ARRB2: variants seen among roughly 807,000 people sequenced by gnomAD.
The protein encoded by ARRB2 is beta-arrestin-2.
Under a neutral mutation model 53.4 loss-of-function variants are expected in ARRB2, and 21 were observed. That is an observed-to-expected ratio of 0.39 (90% CI 0.28 to 0.57). ARRB2 has a LOEUF of 0.57. ARRB2 is among the 20% of genes least tolerant of loss of function. The pLI is 0.55. For missense variants in ARRB2, 369 were observed against 527.5 expected (o/e 0.70, Z 2.94); for synonymous variants, 180 against 212.9 (o/e 0.85, Z 1.34).
rs1167786306 is a variant in ARRB2 at position 4,716,480 on chromosome 17, C to T, written c.229C>T (p.Arg77Cys). The change falls in exon 5 of 15, where the codon CGC becomes TGC. Residue 77 changes from arginine to cysteine, a missense_variant. By Grantham distance (180) the Arg-to-Cys change is radical. Coordinates refer to ENST00000269260, the MANE Select transcript of ARRB2 (RefSeq NM_004313.4). Reference protein sequence around the residue: ...EDLDVLGLSFRKDLFIATYQA... With the variant: ...EDLDVLGLSFCKDLFIATYQA... Reference sequence around the variant, plus strand: ...CCTGGATGTGCTGGGCTTGTCCTTCCGCAAAGACCTGTTCATCGCCACCTA... The same window carrying T: ...CCTGGATGTGCTGGGCTTGTCCTTCTGCAAAGACCTGTTCATCGCCACCTA... 3.1e-6 allele frequency: 5 copies of T among 1,614,168 alleles called. No homozygotes were observed. The highest frequency in any genetic ancestry group is 2.2e-5 in the East Asian group (1 of 44,876).
intron 1 of ARRB2, among the ~76,000 whole-genome samples, chr17:4,711,105 G>C (rs944761218): frequency 6.6e-6 from 1 of 151,990 alleles, no homozygotes; most frequent in Admixed American, 6.5e-5. Flanking sequence ...TGCCGGGACG[G>C]GGGGGATCCA....
rs181924470 is a variant in ARRB2, at chr17:4,717,293, T to A, written c.417+17T>A. The A allele has an allele frequency of 3.7e-3, 5,897 of 1,613,712 alleles. 16 individuals are homozygous for A. The highest frequency in any genetic ancestry group is 4.6e-3 in the Non-Finnish European group (5,462 of 1,179,714). On this transcript the variant is annotated intron_variant, in intron 6 of 14. Coordinates refer to ENST00000269260, the MANE Select transcript of ARRB2 (RefSeq NM_004313.4). This position sits in a 1 kb window ranked among gnomAD's most constrained non-coding sequence, Gnocchi z 6.0. The stretch of plus-strand genomic sequence containing the variant: ...ACAGGAAAGGTACGGGAGGAACAGC[T>A]CTGAGGGCTCCTAGGGCAGGACATG...
Position 4,716,487 on chromosome 17 carries a change from A to G in ARRB2, c.236A>G (p.Asp79Gly), listed in dbSNP as rs747488853. The G allele has an allele frequency of 2.5e-6, 4 of 1,613,858 alleles. No individual in the cohort carries two copies. The highest frequency in any genetic ancestry group is 1.7e-5 in the Admixed American group (1 of 59,992). Residue 79 changes from aspartate (D) to glycine (G), a missense_variant, in exon 5 of 15, where the codon GAC becomes GGC. Transcript: ENST00000269260. ...GTGCTGGGCTTGTCCTTCCGCAAAGACCTGTTCATCGCCACCTACCAGGCC... is the reference window on the plus strand; with the variant it reads ...GTGCTGGGCTTGTCCTTCCGCAAAGGCCTGTTCATCGCCACCTACCAGGCC... ...LDVLGLSFRK[D>G]LFIATYQAFP...
At position 4,719,266 on chromosome 17, in the gene ARRB2, CTT is replaced by C; in HGVS notation, c.780-16_780-15del. The C allele has an allele frequency of 6.2e-7, 1 of 1,605,778 alleles. No homozygotes were observed. The highest frequency in any genetic ancestry group is 1.1e-5 in the South Asian group (1 of 90,220). On this transcript the variant is annotated splice_polypyrimidine_tract_variant and intron_variant, in intron 10 of 14. Transcript: ENST00000269260. ...CCAGCGCCCCTAAGCATCTTGTTCT[CTT>C]GTCCCCACCCCCAGTGACCAGGTAT... is the stretch of plus-strand genomic sequence containing the variant.
rs1436218119 is a variant in ARRB2, at chr17:4,720,380, T to C, written c.1002-13T>C. 5.0e-6 allele frequency: 8 copies of C among 1,613,510 alleles called. No individual in the cohort carries two copies. Among genetic ancestry groups the C allele is most frequent in the Admixed American group, 1.7e-5 (1 of 59,950 alleles). On this transcript the variant is annotated splice_polypyrimidine_tract_variant and intron_variant, in intron 12 of 14. Transcript: ENST00000269260. ...GTCGTCGTCCTCTTCACGATGCCTC[T>C]CCCCTTCCCCAGGGATGTCTCTGTG...
Position 4,718,641 on chromosome 17 carries a change from A to G in ARRB2, c.736A>G (p.Ser246Gly). Residue 246 changes from serine (S) to glycine (G), a missense_variant, in exon 10 of 15, where the codon AGC (serine) becomes GGC (glycine). Coordinates refer to ENST00000269260, the MANE Select transcript of ARRB2 (RefSeq NM_004313.4). The stretch of plus-strand genomic sequence containing the variant: ...ACAGTACGCCGACATCTGCCTCTTC[A>G]GCACCGCCCAGTACAAGTGTCCTGT... ...VRQYADICLF[S>G]TAQYKCPVAQ... is the part of the protein sequence containing the mutation. 1.2e-6 allele frequency: 2 copies of G among 1,613,776 alleles called. No individual in the cohort carries two copies. Among genetic ancestry groups the G allele is most frequent in the African/African-American group, 1.3e-5 (1 of 75,006 alleles).
chr17:4,715,825 C>T, intron 2 of ARRB2, 148 bp from the exon 3 acceptor site: 1 of 881,150 alleles, frequency 1.1e-6, no homozygotes, highest in African/African-American at 1.7e-5. Context: ...ACCACCCTCA[C>T]TTTCCAACAC....
rs373172057 is a variant in ARRB2, at chr17:4,719,292, A to G, written c.789A>G (p.Val263=). 28 of 1,612,392 alleles carry G rather than the reference A, an allele frequency of 1.7e-5. No individual in the cohort carries two copies. The highest frequency in any genetic ancestry group is 2.7e-5 in the African/African-American group (2 of 74,894). ...TTGTCCCCACCCCCAGTGACCAGGT[A>G]TCTCCCAGCTCCACATTCTGTAAGG... ...PVAQLEQDDQ[V]SPSSTFCKVY... Residue 263 remains valine, a synonymous_variant, in exon 11 of 15, where the codon GTA becomes GTG. Transcript: ENST00000269260.
Position 4,717,498 on chromosome 17 carries a change from T to C in ARRB2, c.418-187T>C, listed in dbSNP as rs560569376. 1.7e-5 allele frequency: 15 copies of C among 906,602 alleles called. 1 individual carries two copies. In the East Asian group the frequency reaches 3.9e-4, roughly 23 times the overall value. The allele number at this position is 906,602 out of a possible 1,614,324, so 56.2% of individuals were successfully genotyped here. ...ATGGATCTGGGGATGGGGGCTCCCC[T>C]TGCACTACCATGACCAAGCCTCTGC... On this transcript the variant is annotated intron_variant, in intron 6 of 14. Transcript: ENST00000269260. This position sits in a 1 kb window ranked among gnomAD's most constrained non-coding sequence, Gnocchi z 6.0.
Position 4,720,845 on chromosome 17 carries a change from C to G in ARRB2, c.1137-101C>G. On this transcript the variant is annotated intron_variant, in intron 14 of 14. Coordinates refer to ENST00000269260, the MANE Select transcript of ARRB2 (RefSeq NM_004313.4). ...ACCTCTGGTCCCACTGCTGTTCGAACGCCTCTGTCCCAGAGGCCTAGCTTC... is the reference window on the plus strand; with the variant it reads ...ACCTCTGGTCCCACTGCTGTTCGAAGGCCTCTGTCCCAGAGGCCTAGCTTC... 2.4e-6 allele frequency: 3 copies of G among 1,258,696 alleles called. No individual in the cohort carries two copies. The South Asian group carries it at 3.9e-5, about 16-fold the overall frequency. 78.0% of individuals were successfully genotyped at this position (1,258,696 alleles called of 1,614,324 possible).
In ARRB2 at chr17:4,718,650, C is replaced by T. The variant is rs775742956; in HGVS notation, c.745C>T (p.Gln249Ter). The T allele has an allele frequency of 6.2e-7, 1 of 1,613,896 alleles. No homozygotes were observed. The highest frequency in any genetic ancestry group is 1.3e-5 in the African/African-American group (1 of 75,026). The change falls in exon 10 of 15, where the codon CAG becomes TAG. Residue 249 changes from glutamine to a stop codon, truncating the protein, a stop_gained. Transcript: ENST00000269260. LOFTEE classifies it high-confidence loss of function. ...YADICLFSTA[Q>*]YKCPVAQLEQ... ...CGACATCTGCCTCTTCAGCACCGCC[C>T]AGTACAAGTGTCCTGTGGCTCAACT...
Position 4,716,399 on chromosome 17 carries a change from C to T in ARRB2, c.161-13C>T, listed in dbSNP as rs755685317. 2 of 1,614,098 alleles carry T rather than the reference C, an allele frequency of 1.2e-6. No individual in the cohort carries two copies. The highest frequency in any genetic ancestry group is 1.7e-6 in the Non-Finnish European group (2 of 1,179,992). On this transcript the variant is annotated splice_polypyrimidine_tract_variant and intron_variant, in intron 4 of 14. Transcript: ENST00000269260. ...TGGGGCTCCTGACCACTCATCTCACCCTCCCTTGCCAGTGTTTGTGACCCT... is the reference window on the plus strand; with the variant it reads ...TGGGGCTCCTGACCACTCATCTCACTCTCCCTTGCCAGTGTTTGTGACCCT...
At chr17:4,718,369 G>C (rs1472906998) in intron 9 of ARRB2, 24 bp downstream of exon 9, 4 of 1,596,528 alleles carry the variant, frequency 2.5e-6, no homozygotes, top group Non-Finnish European at 2.6e-6. Flanking sequence ...TTTGGAAGGG[G>C]GTCTTCGGGG....
chr17:4,715,871 A>G, intron 2 of ARRB2, 102 bp from the exon 3 acceptor site: 1 of 1,331,908 alleles, frequency 7.5e-7, no homozygotes, highest in East Asian at 2.3e-5. Flanking sequence ...CCTTCCTGAT[A>G]GCCCAGCCTG....
intron 14 of ARRB2, 112 bp from the exon 15 acceptor site, chr17:4,720,831 CACT>C: frequency 8.7e-7 from 1 of 1,149,990 alleles, no homozygotes; most frequent in Non-Finnish European, 1.3e-6. Context: ...CCTCTGGTCC[CACT>C]GCTGTTCGAA....
chr17:4,719,222 A>T (rs1417014600), intron 10 of ARRB2, 61 bp from the exon 11 acceptor site: 1 of 1,568,710 alleles, frequency 6.4e-7, no homozygotes, highest in East Asian at 2.3e-5. Context: ...TGGGGGTCAT[A>T]GGCCGCCCCT....
rs892025250 is a variant in ARRB2 at position 4,710,664 on chromosome 17, A to G, written c.-58A>G. The stretch of plus-strand genomic sequence containing the variant: ...CGCGGGGAGGAGCAGGGATCTTGGC[A>G]GCGGGCGAGGAGGCTGCGAGCGAGC... On this transcript the variant is annotated 5_prime_UTR_variant, in exon 1 of 15. Coordinates refer to ENST00000269260, the MANE Select transcript of ARRB2 (RefSeq NM_004313.4). The G allele has an allele frequency of 5.0e-6, 2 of 398,328 alleles. No individual in the cohort carries two copies. 24.7% of individuals were successfully genotyped at this position (398,328 alleles called of 1,614,324 possible).
Position 4,721,107 on chromosome 17 carries a change from G to C in ARRB2, c.*68G>C, listed in dbSNP as rs2150607437. On this transcript the variant is annotated 3_prime_UTR_variant, in exon 15 of 15. Transcript: ENST00000269260. This position sits in a 1 kb window ranked among gnomAD's most constrained non-coding sequence, Gnocchi z 4.2. The stretch of plus-strand genomic sequence containing the variant: ...TGAGGGCAGGATTAAGATCCCCACT[G>C]TCAATGGGGGATTGTCCCAGCCCCT... 6.9e-7 allele frequency: 1 copy of C among 1,459,766 alleles called. No homozygotes were observed. The highest frequency in any genetic ancestry group is 9.6e-7 in the Non-Finnish European group (1 of 1,045,506). 90.4% of individuals were successfully genotyped at this position (1,459,766 alleles called of 1,614,324 possible). A position where few individuals can be genotyped will look rare whatever the true frequency, so the allele number is the denominator to read the frequency against.
intron 14 of ARRB2, 124 bp downstream of exon 14, chr17:4,720,764 G>T (rs1244200987): frequency 1.8e-6 from 2 of 1,093,468 alleles, no homozygotes; most frequent in East Asian, 4.9e-5. Context: ...AAATCAAGAT[G>T]CCTTAGCCTT....
Sources: allele counts gnomAD v4.1 joint callset (sites outside exome capture counted in the v4.1 genomes callset), GRCh38; gene constraint gnomAD v4.1.1; non-coding constraint Gnocchi (gnomAD v3.1); transcripts MANE v1.5; gene names NCBI Gene and HGNC (gene_info 2026-07-23, HGNC 2026-07-21).